TIAM1: variants seen among roughly 807,000 people sequenced by gnomAD.
The protein encoded by TIAM1 is TIAM Rac1 associated GEF 1.
TIAM1 carries 65 observed loss-of-function variants against 163.5 expected under a neutral mutation model. The ratio of observed to expected loss-of-function variants is 0.40; its 90% confidence interval spans 0.33 to 0.49. TIAM1 has a LOEUF of 0.49. TIAM1 is among the 20% of genes least tolerant of loss of function. The probability of loss-of-function intolerance (pLI) is 0.77; values close to 1 mark genes in which losing one functional copy is unlikely to be tolerated. For synonymous variants in TIAM1, 833 were observed against 810.1 expected, an observed-to-expected ratio of 1.03 and a Z score of -0.48; for missense variants, 1,789 against 2,044.7, an observed-to-expected ratio of 0.87 and a Z score of 2.41.
chr21:31,160,376 C>T (rs2146347851), intron 16 of TIAM1: 1 of 398,482 alleles, frequency 2.5e-6, no homozygotes, highest in South Asian at 1.3e-4. Flanking sequence ...GATTGAAAAA[C>T]AACTGAGCTA....
chr21:31,362,856 T>A (rs2076430996), intron 2 of TIAM1, among the ~76,000 whole-genome samples: 1 of 152,152 alleles, frequency 6.6e-6, no homozygotes, highest in African/African-American at 2.4e-5. Flanking sequence ...AGGGGGTTTA[T>A]CATTGTATTT....
chr21:31,329,082 C>T (rs1048086939), intron 2 of TIAM1, among the ~76,000 whole-genome samples: 1 of 152,150 alleles, frequency 6.6e-6, no homozygotes. Context: ...AAATGCTATG[C>T]CATTTTCCAA....
chr21:31,230,999 G>C (rs1331588052), intron 6 of TIAM1, among the ~76,000 whole-genome samples: 1 of 151,804 alleles, frequency 6.6e-6, no homozygotes, highest in African/African-American at 2.4e-5. Flanking sequence ...TGGGAGAATA[G>C]AACTTTCTGG....
At chr21:31,412,017 C>T (rs7280200) in intron 2 of TIAM1, among the ~76,000 whole-genome samples, 1 of 151,926 alleles carries the variant, frequency 6.6e-6, no homozygotes, top group Non-Finnish European at 1.5e-5. Context: ...ACAGTAGCAA[C>T]GATACAGAAT....
chr21:31,155,016 T>C (rs1306675777), intron 16 of TIAM1, among the ~76,000 whole-genome samples: 1 of 152,142 alleles, frequency 6.6e-6, no homozygotes, highest in Admixed American at 6.5e-5. Context: ...TAAATAAAAG[T>C]TTCTCCCTCT....
intron 2 of TIAM1, among the ~76,000 whole-genome samples, chr21:31,457,462 T>C (rs761653458): frequency 6.6e-6 from 1 of 152,210 alleles, no homozygotes; most frequent in Non-Finnish European, 1.5e-5. Context: ...CTCTGTGATT[T>C]TAACCATCAA....
intron 2 of TIAM1, among the ~76,000 whole-genome samples, chr21:31,419,973 C>A (rs984466924): frequency 6.6e-6 from 1 of 152,140 alleles, no homozygotes; most frequent in Non-Finnish European, 1.5e-5. Context: ...CGCTTGAACC[C>A]GAGAGGTGGA....
intron 2 of TIAM1, among the ~76,000 whole-genome samples, chr21:31,434,981 C>T (rs1015687199): frequency 6.6e-6 from 1 of 152,216 alleles, no homozygotes; most frequent in African/African-American, 2.4e-5. Context: ...AGCATGTATC[C>T]TCTTTGCTAA....
chr21:31,298,817 AG>A (rs1402099098), intron 2 of TIAM1, among the ~76,000 whole-genome samples: 10 of 151,790 alleles, frequency 6.6e-5, no homozygotes, highest in East Asian at 3.9e-4. Context: ...AGAGAGAGAG[AG>A]AGAGAGAAAA....
At chr21:31,163,074 C>G (rs573905502) in intron 16 of TIAM1, among the ~76,000 whole-genome samples, 2 of 152,102 alleles carry the variant, frequency 1.3e-5, no homozygotes, top group Non-Finnish European at 2.9e-5. Context: ...TCAAAATCCA[C>G]AAGGAGATGA....
At chr21:31,498,339 C>A (rs1011811262) in intron 1 of TIAM1, among the ~76,000 whole-genome samples, 4 of 152,190 alleles carry the variant, frequency 2.6e-5, no homozygotes, top group African/African-American at 9.7e-5. Flanking sequence ...TCTCAGACAA[C>A]CATAGAGAGG....
intron 2 of TIAM1, among the ~76,000 whole-genome samples, chr21:31,359,810 AAGGAAGGAAG>A (rs2076375811): frequency 4.8e-5 from 1 of 20,710 alleles, no homozygotes; most frequent in Non-Finnish European, 9.2e-5. Flanking sequence ...AAGAAAAAGG[AAGGAAGGAAG>A]GAAGGAAGGA....
intron 2 of TIAM1, among the ~76,000 whole-genome samples, chr21:31,372,041 C>A (rs557936702): frequency 6.6e-6 from 1 of 152,256 alleles, no homozygotes; most frequent in African/African-American, 2.4e-5. Flanking sequence ...TTAAAGCAAC[C>A]CTGAGGCAAT....
At chr21:31,320,474 C>A (rs1279435332) in intron 2 of TIAM1, among the ~76,000 whole-genome samples, 1 of 152,120 alleles carries the variant, frequency 6.6e-6, no homozygotes, top group African/African-American at 2.4e-5. Context: ...TCACTTTACA[C>A]TTCTGAATAT....
intron 1 of TIAM1, among the ~76,000 whole-genome samples, chr21:31,473,573 T>C (rs998687657): frequency 1.3e-5 from 2 of 151,946 alleles, no homozygotes; most frequent in Admixed American, 6.6e-5. Flanking sequence ...TGTTGGCTTC[T>C]TGGTGGCCCC....
At chr21:31,417,817 A>T (rs1278230609) in intron 2 of TIAM1, among the ~76,000 whole-genome samples, 1 of 152,162 alleles carries the variant, frequency 6.6e-6, no homozygotes, top group Non-Finnish European at 1.5e-5. Context: ...CCACACCTGA[A>T]GGGGGTACAT....
At chr21:31,190,409 C>G (rs1395860623) in intron 13 of TIAM1, among the ~76,000 whole-genome samples, 3 of 151,920 alleles carry the variant, frequency 2.0e-5, no homozygotes, top group Non-Finnish European at 4.4e-5. Flanking sequence ...AAGACCCTGT[C>G]TCAAAAAAGA....
At chr21:31,317,292 T>C (rs1201007192) in intron 2 of TIAM1, among the ~76,000 whole-genome samples, 2 of 150,812 alleles carry the variant, frequency 1.3e-5, no homozygotes, top group African/African-American at 2.4e-5. Flanking sequence ...CCGTCTCTAC[T>C]AAAAATACAA....
At chr21:31,145,186 C>G (rs1176492339) in intron 20 of TIAM1, among the ~76,000 whole-genome samples, 3 of 152,172 alleles carry the variant, frequency 2.0e-5, no homozygotes, top group Non-Finnish European at 4.4e-5. Flanking sequence ...CCCAGGTCCC[C>G]TTTTCATTTG....
Sources: allele counts gnomAD v4.1 joint callset (sites outside exome capture counted in the v4.1 genomes callset), GRCh38; gene constraint gnomAD v4.1.1; transcripts MANE v1.5; gene names NCBI Gene and HGNC (gene_info 2026-07-23, HGNC 2026-07-21).